PGAP4: variants seen among roughly 807,000 people sequenced by gnomAD.
PGAP4 encodes GPI-N-acetylgalactosamine transferase PGAP4.
Under a neutral mutation model 28.2 loss-of-function variants are expected in PGAP4, and 12 were observed. That is an observed-to-expected ratio of 0.42 (90% confidence interval 0.27 to 0.69). The LOEUF (loss-of-function observed/expected upper bound fraction) is 0.69. Ranked by LOEUF, PGAP4 falls within the 30% of genes least tolerant of loss-of-function variation. The pLI, the probability that PGAP4 is intolerant of heterozygous loss-of-function variation, is 0.22. For synonymous variants in PGAP4, 205 were observed against 211.8 expected, an observed-to-expected ratio of 0.97 and a Z score of 0.28; for missense variants, 425 against 513.5, an observed-to-expected ratio of 0.83 and a Z score of 1.67.
chr9:101,505,817 C>T (rs1020980270), intron 2 of PGAP4, among the ~76,000 whole-genome samples: 3 of 152,070 alleles, frequency 2.0e-5, no homozygotes, highest in African/African-American at 7.2e-5. Flanking sequence ...GGACTCTTCC[C>T]TGAAATTATC....
In PGAP4 at chr9:101,523,547, CT is replaced by C. The variant is rs765672941; in HGVS notation, c.-165+7800del. ...TTTCTAAAAATGTGTCCAAAGTTTC[CT>C]GAATTTTTCATTGTTTTTTTTTCTT... On this transcript the variant is annotated intron_variant, in intron 2 of 3. Transcript: ENST00000374851. Among the ~76,000 whole-genome samples, 176 of 116,048 alleles carry C rather than the reference CT, an allele frequency of 1.5e-3. 3 individuals carry two copies. Among genetic ancestry groups the C allele is most frequent in the Non-Finnish European group, 9.8e-4 (57 of 58,174 alleles). 76.1% of individuals were successfully genotyped at this position (116,048 alleles called of 152,430 possible).
intron 2 of PGAP4, among the ~76,000 whole-genome samples, chr9:101,529,416 A>C (rs1286399734): frequency 3.3e-5 from 5 of 152,122 alleles, no homozygotes; most frequent in Non-Finnish European, 7.4e-5. Flanking sequence ...TGGCCTCCCA[A>C]AGTGCTGGGA....
At chr9:101,525,195 T>G (rs1827024693) in intron 2 of PGAP4, among the ~76,000 whole-genome samples, 1 of 152,238 alleles carries the variant, frequency 6.6e-6, no homozygotes, top group Admixed American at 6.5e-5. Context: ...CCAAACTGCT[T>G]TCTAAAGTAA....
chr9:101,478,651 C>T (rs896977031), intron 1 of PGAP4, among the ~76,000 whole-genome samples: 8 of 152,186 alleles, frequency 5.3e-5, no homozygotes, highest in Non-Finnish European at 8.8e-5. Context: ...TGTGCCATCT[C>T]GACTTTCTCT....
At chr9:101,479,039 A>G (rs1826406411) in intron 1 of PGAP4, among the ~76,000 whole-genome samples, 1 of 152,238 alleles carries the variant, frequency 6.6e-6, no homozygotes, top group Admixed American at 6.5e-5. Context: ...GGTGAGACAG[A>G]CTATCCTAGT....
At chr9:101,532,953 G>T (rs1019367598) in exon 1 of PGAP4, 3 of 152,070 alleles carry the variant, frequency 2.0e-5, no homozygotes, top group Admixed American at 6.5e-5. Context: ...TCCATTTCTA[G>T]ACCCTTAGCT....
rs1826345476 is a variant in PGAP4 at position 101,477,074 on chromosome 9, G to C, written c.19C>G (p.Pro7Ala). 6.3e-7 allele frequency: 1 copy of C among 1,595,368 alleles called. No individual in the cohort carries two copies. Among genetic ancestry groups the C allele is most frequent in the Admixed American group, 1.7e-5 (1 of 57,990 alleles). The change falls in exon 2 of 2, where the codon CCA (proline) becomes GCA (alanine). Residue 7 changes from proline to alanine, a missense_variant. Physicochemically the swap from Pro to Ala is conservative, Grantham distance 27 (BLOSUM62 -1). Coordinates refer to ENST00000374848, the MANE Select transcript of PGAP4 (RefSeq NM_032342.3). MSTSTSPAAMLLRRLRR... is the reference protein window; with the variant it reads MSTSTSAAAMLLRRLRR... ...AGCCTCCGGAGGAGCATGGCAGCTG[G>C]AGAGGTTGAAGTGCTCATGAGGTCA...
At chr9:101,507,780 A>G (rs906399502) in intron 2 of PGAP4, among the ~76,000 whole-genome samples, 8 of 152,108 alleles carry the variant, frequency 5.3e-5, no homozygotes, top group Non-Finnish European at 8.8e-5. Flanking sequence ...CTCAGTCACT[A>G]GGGCATACCC....
Position 101,503,545 on chromosome 9 carries a change from A to G in PGAP4, c.-164-14345T>C, listed in dbSNP as rs1929477. Among the ~76,000 whole-genome samples, 302 of 152,196 alleles carry G rather than the reference A, an allele frequency of 2.0e-3. 6 individuals carry two copies. The East Asian group carries it at 0.029, about 15-fold the overall frequency. Reference sequence around the variant, plus strand: ...TAATTTTATATGATTATTGTTATGCATAGATAATAATAATTACATTCTCTA... The same window carrying G: ...TAATTTTATATGATTATTGTTATGCGTAGATAATAATAATTACATTCTCTA... On this transcript the variant is annotated intron_variant, in intron 2 of 3. Transcript: ENST00000374851.
intron 2 of PGAP4, among the ~76,000 whole-genome samples, chr9:101,512,578 T>A (rs1196473081): frequency 6.6e-6 from 1 of 152,158 alleles, no homozygotes; most frequent in East Asian, 1.9e-4. Context: ...CTAAATTGGT[T>A]GAAATTTTGT....
intron 1 of PGAP4, among the ~76,000 whole-genome samples, chr9:101,482,222 C>T (rs985397507): frequency 2.6e-5 from 4 of 152,214 alleles, no homozygotes; most frequent in Admixed American, 1.3e-4. Context: ...CCGAGGCAGG[C>T]GGATCACGAG....
chr9:101,514,224 C>A (rs1294468721), intron 2 of PGAP4, among the ~76,000 whole-genome samples: 1 of 152,152 alleles, frequency 6.6e-6, no homozygotes, highest in East Asian at 1.9e-4. Context: ...TAGTTAACTT[C>A]CATCACTCTG....
At chr9:101,504,037 GT>G (rs200459694) in intron 2 of PGAP4, among the ~76,000 whole-genome samples, 5,866 of 151,530 alleles carry the variant, frequency 0.039, 162 homozygotes, top group Admixed American at 0.077. Context: ...CAAAAGGCCA[GT>G]TTTTTTTCTA....
At chr9:101,483,312 T>C (rs1588199518) in intron 1 of PGAP4, among the ~76,000 whole-genome samples, 1 of 150,470 alleles carries the variant, frequency 6.6e-6, no homozygotes, top group South Asian at 2.1e-4. Flanking sequence ...TCGACTTATT[T>C]GTAAATGTTT....
upstream of PGAP4, among the ~76,000 whole-genome samples, chr9:101,491,996 T>C (rs1826694072): frequency 6.6e-6 from 1 of 151,678 alleles, no homozygotes; most frequent in African/African-American, 2.4e-5. Flanking sequence ...GTGTAGGAAA[T>C]AGTGTCATTT....
At chr9:101,483,862 A>G (rs2118547179) in intron 1 of PGAP4, among the ~76,000 whole-genome samples, 1 of 152,338 alleles carries the variant, frequency 6.6e-6, no homozygotes, top group Admixed American at 6.5e-5. Flanking sequence ...TTAAAAAGTC[A>G]TTAATAAACA....
At chr9:101,529,372 C>T (rs1191857382) in intron 2 of PGAP4, among the ~76,000 whole-genome samples, 3 of 152,116 alleles carry the variant, frequency 2.0e-5, no homozygotes, top group Non-Finnish European at 2.9e-5. Flanking sequence ...CCAGGCTGGT[C>T]TTGAACTCCT....
intron 2 of PGAP4, among the ~76,000 whole-genome samples, chr9:101,495,248 T>C (rs7870830): frequency 4.6e-5 from 2 of 43,888 alleles, no homozygotes; most frequent in Non-Finnish European, 7.8e-5. Context: ...ATATAATATA[T>C]ATTATATAGT....
chr9:101,480,213 C>G (rs538332450), intron 1 of PGAP4, among the ~76,000 whole-genome samples: 3 of 152,242 alleles, frequency 2.0e-5, no homozygotes, highest in Non-Finnish European at 4.4e-5. Flanking sequence ...GGACAGGCTT[C>G]AGTAATGATC....
Sources: allele counts gnomAD v4.1 joint callset (sites outside exome capture counted in the v4.1 genomes callset), GRCh38; gene constraint gnomAD v4.1.1; transcripts MANE v1.5; gene names NCBI Gene and HGNC (gene_info 2026-07-23, HGNC 2026-07-21).